RRAGC: variants seen among roughly 807,000 people sequenced by gnomAD.
RRAGC encodes Ras related GTP binding C, also known as ras-related GTP-binding protein C.
In RRAGC, 8 loss-of-function variants were observed where a neutral mutation model predicts 37.1. That is an observed-to-expected ratio of 0.22 (90% CI 0.13 to 0.39). The LOEUF is 0.39. Ranked by LOEUF, RRAGC falls within the 10% of genes least tolerant of loss-of-function variation. The pLI is 1.00. For synonymous variants in RRAGC, 190 were observed against 181.1 expected (o/e 1.05, Z -0.39); for missense variants, 342 against 497.6 (o/e 0.69, Z 2.98).
At position 38,841,411 on chromosome 1, in the gene RRAGC, G is replaced by A. The variant is rs575350464; in HGVS notation, c.1049-1707C>T. Among the ~76,000 whole-genome samples the A allele has an allele frequency of 3.3e-5, 5 of 151,052 alleles. No homozygotes were observed. The South Asian group carries it at 1.0e-3, about 32-fold the overall frequency. ...AGACAGGGTCTCACTCTGACACCCA[G>A]GCTAGAGTGCAGTGGTACAATCATA... On this transcript the variant is annotated intron_variant, in intron 6 of 6. Coordinates refer to ENST00000373001, the MANE Select transcript of RRAGC (RefSeq NM_022157.4).
intron 5 of RRAGC, 146 bp downstream of exon 5, chr1:38,851,469 T>C: frequency 1.6e-6 from 1 of 613,924 alleles, no homozygotes; most frequent in South Asian, 4.5e-5. Flanking sequence ...AGAGAAATCA[T>C]GCTCCAAGTT....
intron 3 of RRAGC, among the ~76,000 whole-genome samples, chr1:38,853,088 G>A (rs1259755416): frequency 6.6e-6 from 1 of 152,106 alleles, no homozygotes; most frequent in Non-Finnish European, 1.5e-5. Context: ...TGTCAGTCTC[G>A]CTCCTAGCAG....
chr1:38,847,887 CCAAAAGT>C (rs1252072539), intron 5 of RRAGC: 1 of 152,088 alleles, frequency 6.6e-6, no homozygotes. Flanking sequence ...ACAAAAATAT[CCAAAAGT>C]TAGCCAGGTG....
At position 38,859,769 on chromosome 1, in the gene RRAGC, G is replaced by A; in HGVS notation, c.-123C>T. ...GCCACCGCCCCCGGCAGCCGCCACA[G>A]TCCGGCCCGCCCCCCGGAGCCCGGC... On this transcript the variant is annotated 5_prime_UTR_variant, in exon 1 of 7. Coordinates refer to ENST00000373001, the MANE Select transcript of RRAGC (RefSeq NM_022157.4). 1 of 859,706 alleles carries A rather than the reference G, an allele frequency of 1.2e-6. No individual in the cohort carries two copies. Among genetic ancestry groups the A allele is most frequent in the Non-Finnish European group, 1.5e-6 (1 of 668,348 alleles). The allele number at this position is 859,706 out of a possible 1,614,324, so 53.3% of individuals were successfully genotyped here. A position where few individuals can be genotyped will look rare whatever the true frequency, so the allele number is the denominator to read the frequency against.
chr1:38,854,489 C>T (rs950913540), intron 3 of RRAGC, among the ~76,000 whole-genome samples: 3 of 152,042 alleles, frequency 2.0e-5, no homozygotes, highest in Non-Finnish European at 4.4e-5. Context: ...AACACAGACA[C>T]GGAGTAAAGA....
chr1:38,845,819 C>G (rs1570862074), intron 6 of RRAGC, 120 bp downstream of exon 6: 1 of 786,440 alleles, frequency 1.3e-6, no homozygotes, highest in East Asian at 2.9e-5. Flanking sequence ...GCAGTTTGAG[C>G]TTTTTTTTTC....
chr1:38,858,696 C>G (rs1036067954), intron 1 of RRAGC, among the ~76,000 whole-genome samples: 6 of 152,166 alleles, frequency 3.9e-5, no homozygotes, highest in Non-Finnish European at 8.8e-5. Flanking sequence ...CGAGAGACTC[C>G]GTCTCAAAAA....
In RRAGC at chr1:38,859,135, C is replaced by G. The variant is rs1281429998; in HGVS notation, c.237+275G>C. Among the ~76,000 whole-genome samples, 4 of 152,252 alleles carry G rather than the reference C, an allele frequency of 2.6e-5. No homozygotes were observed. In the East Asian group the frequency reaches 7.7e-4, roughly 29 times the overall value. The stretch of plus-strand genomic sequence containing the variant: ...TTCGTAAATGACACAGGAGCTGGGT[C>G]CCAGGGGGCGGAGGTCTTGGGCGGT... On this transcript the variant is annotated intron_variant, in intron 1 of 6. Transcript: ENST00000373001.
At chr1:38,856,298 A>G (rs1320076381) in intron 2 of RRAGC, among the ~76,000 whole-genome samples, 2 of 152,184 alleles carry the variant, frequency 1.3e-5, no homozygotes, top group Non-Finnish European at 2.9e-5. Flanking sequence ...AATATTGTGA[A>G]GCTTAAATTA....
chr1:38,842,775 G>T (rs192010456), intron 6 of RRAGC, among the ~76,000 whole-genome samples: 188 of 152,240 alleles, frequency 1.2e-3, no homozygotes, highest in Non-Finnish European at 2.0e-3. Flanking sequence ...CCAGCAACAA[G>T]AAAATAAAAT....
At chr1:38,845,783 C>T (rs1642020351) in intron 6 of RRAGC, among the ~76,000 whole-genome samples, 156 bp downstream of exon 6, 1 of 151,762 alleles carries the variant, frequency 6.6e-6, no homozygotes, top group African/African-American at 2.4e-5. Flanking sequence ...AAAGTCTGGA[C>T]TATACATGGA....
intron 6 of RRAGC, among the ~76,000 whole-genome samples, chr1:38,842,789 G>A (rs917018219): frequency 6.6e-6 from 1 of 152,132 alleles, no homozygotes; most frequent in Non-Finnish European, 1.5e-5. Context: ...ATAAAATGTG[G>A]TATAGTCAAC....
At chr1:38,856,734 C>A in intron 2 of RRAGC, 145 bp downstream of exon 2, 1 of 697,004 alleles carries the variant, frequency 1.4e-6, no homozygotes. Context: ...TCCCAAAGCA[C>A]TCTGCAACTG....
In RRAGC at chr1:38,850,845, T is replaced by G. The variant is rs201387068; in HGVS notation, c.899+770A>C. 3.2e-3 allele frequency among the ~76,000 whole-genome samples: 468 copies of G among 146,296 alleles called. 4 individuals are homozygous for G. The highest frequency in any genetic ancestry group is 3.4e-3 in the Middle Eastern group (1 of 294). ...AATGTTATTAACTCTTTTTTTGTTG[T>G]TTTTTTTTGGTAAAGCTGAGGTCTA... On this transcript the variant is annotated intron_variant, in intron 5 of 6. Transcript: ENST00000373001.
Position 38,851,590 on chromosome 1 carries a change from T to C in RRAGC, c.899+25A>G, listed in dbSNP as rs779890450. ...AATAGTTTTCCGCCTGTCTGAGATA[T>C]TGCAGGAATATATACATAACTTACC... On this transcript the variant is annotated intron_variant, in intron 5 of 6. Transcript: ENST00000373001. 7.5e-6 allele frequency: 11 copies of C among 1,469,572 alleles called. No homozygotes were observed. In the Admixed American group the frequency reaches 8.0e-5, roughly 11 times the overall value. The allele number at this position is 1,469,572 out of a possible 1,614,324, so 91.0% of individuals were successfully genotyped here.
chr1:38,851,398 T>C, intron 5 of RRAGC: 1 of 364,004 alleles, frequency 2.7e-6, no homozygotes, highest in Non-Finnish European at 4.9e-6. Flanking sequence ...CCAGTTCTAG[T>C]CATGCTTTCC....
At chr1:38,857,184 A>C in intron 1 of RRAGC, 102 bp from the exon 2 acceptor site, 1 of 969,384 alleles carries the variant, frequency 1.0e-6, no homozygotes, top group Non-Finnish European at 1.5e-6. Context: ...CCACAAAAAA[A>C]AATTTTTTTT....
intron 5 of RRAGC, 99 bp from the exon 6 acceptor site, chr1:38,846,186 C>T: frequency 1.1e-6 from 1 of 927,606 alleles, no homozygotes; most frequent in Non-Finnish European, 1.7e-6. Context: ...CCAAATGTCT[C>T]TGGGAAAGAA....
intron 1 of RRAGC, among the ~76,000 whole-genome samples, chr1:38,858,267 A>AT (rs749280204): frequency 1.3e-5 from 2 of 152,182 alleles, no homozygotes; most frequent in Non-Finnish European, 2.9e-5. Flanking sequence ...TCACAGATTT[A>AT]TTTTGGATAG....
Sources: allele counts gnomAD v4.1 joint callset (sites outside exome capture counted in the v4.1 genomes callset), GRCh38; gene constraint gnomAD v4.1.1; transcripts MANE v1.5; gene names NCBI Gene and HGNC (gene_info 2026-07-23, HGNC 2026-07-21).